UGGT2: variants seen among roughly 807,000 people sequenced by gnomAD.
The protein encoded by UGGT2 is UDP-glucose:glycoprotein glucosyltransferase 2.
UGGT2 carries 180 observed loss-of-function variants against 192.1 expected under a neutral mutation model. That is an observed-to-expected ratio of 0.94 (90% CI 0.83 to 1.06). UGGT2 has a LOEUF of 1.06. UGGT2 is among the 50% of genes least tolerant of loss of function. UGGT2 has a pLI of 0.00. For missense variants in UGGT2, 1,849 were observed against 1,795.7 expected, an observed-to-expected ratio of 1.03 and a Z score of -0.54; for synonymous variants, 580 against 591.0, an observed-to-expected ratio of 0.98 and a Z score of 0.27.
At chr13:96,049,699 G>A (rs755657204) in intron 1 of UGGT2, among the ~76,000 whole-genome samples, 19 of 151,772 alleles carry the variant, frequency 1.3e-4, no homozygotes, top group Non-Finnish European at 2.7e-4. Flanking sequence ...ACAAACAGAG[G>A]GCCAAATCAT....
At chr13:95,946,414 G>C (rs1206602695) in intron 15 of UGGT2, among the ~76,000 whole-genome samples, 1 of 152,232 alleles carries the variant, frequency 6.6e-6, no homozygotes, top group Non-Finnish European at 1.5e-5. Flanking sequence ...CATTGCCTGG[G>C]CTGGAGTGCA....
chr13:95,811,604 A>T (rs958124146), intron 38 of UGGT2, among the ~76,000 whole-genome samples: 2 of 152,192 alleles, frequency 1.3e-5, no homozygotes, highest in African/African-American at 4.8e-5. Flanking sequence ...GAATTAGTGA[A>T]TTGTAAAGTA....
intron 12 of UGGT2, among the ~76,000 whole-genome samples, chr13:95,958,369 T>C (rs2050277397): frequency 6.6e-6 from 1 of 152,068 alleles, no homozygotes; most frequent in Non-Finnish European, 1.5e-5. Flanking sequence ...GCCTGGATGG[T>C]CTCCATCTCT....
chr13:95,928,923 G>A (rs761886774), intron 17 of UGGT2, among the ~76,000 whole-genome samples: 9 of 152,290 alleles, frequency 5.9e-5, no homozygotes, highest in Admixed American at 2.0e-4. Context: ...CTAAGTGAGC[G>A]AGACTCCATC....
At position 95,863,673 on chromosome 13, in the gene UGGT2, G is replaced by C; in HGVS notation, c.3600C>G (p.Thr1200=). 10 of 1,612,302 alleles carry C rather than the reference G, an allele frequency of 6.2e-6. No homozygotes were observed. The highest frequency in any genetic ancestry group is 7.6e-6 in the Non-Finnish European group (9 of 1,179,004). The part of the protein sequence containing the change: ...ETDKIKEDIL[T]DEDEKTKGLW... The stretch of plus-strand genomic sequence containing the variant: ...GTCCTTTTGTTTTTTCATCTTCATC[G>C]GTAAGGATATCTTCCTTAATTTTGT... Residue 1200 remains threonine, a synonymous_variant, in exon 31 of 39, where the codon ACC becomes ACG. Transcript: ENST00000376747.
In UGGT2 at chr13:95,867,513, G is replaced by GT. The variant is rs200705678; in HGVS notation, c.3474-91dup. ...AGAATAAACTCATTTTGCAATAAACGTAAGTCCAATAACACTAGTGCATAT... is the reference window on the plus strand; with the variant it reads ...AGAATAAACTCATTTTGCAATAAACGTTAAGTCCAATAACACTAGTGCATAT... On this transcript the variant is annotated intron_variant, in intron 29 of 38. Transcript: ENST00000376747. 1,603 of 1,059,876 alleles carry GT rather than the reference G, an allele frequency of 1.5e-3. 24 individuals carry two copies. The African/African-American group carries it at 0.022, about 15-fold the overall frequency. 65.7% of individuals were successfully genotyped at this position (1,059,876 alleles called of 1,614,324 possible).
chr13:95,860,871 G>A lies in UGGT2; in HGVS notation c.3657C>T (p.Ser1219=). ...TTTCCTTTTTGTTTTCTTTATGCAA[G>A]CTTACTGTGAAACTTGGAATAAAAA... ...LWDSIKSFTV[S]LHKENKKEKD... is the part of the protein sequence containing the mutation. Residue 1219 remains serine (S), a synonymous_variant, in exon 32 of 39, where the codon AGC becomes AGT. Coordinates refer to ENST00000376747, the MANE Select transcript of UGGT2 (RefSeq NM_020121.4). 6.4e-7 allele frequency: 1 copy of A among 1,557,962 alleles called. No homozygotes were observed. The highest frequency in any genetic ancestry group is 1.9e-5 in the Admixed American group (1 of 53,284).
chr13:95,983,580 G>T (rs1236360025), intron 10 of UGGT2: 2 of 615,102 alleles, frequency 3.3e-6, no homozygotes, highest in Admixed American at 2.0e-5. Flanking sequence ...TACCTCGGAA[G>T]AAATTCTGGA....
chr13:95,945,339 A>T (rs1475477208), intron 15 of UGGT2, among the ~76,000 whole-genome samples: 1 of 152,050 alleles, frequency 6.6e-6, no homozygotes, highest in Non-Finnish European at 1.5e-5. Context: ...ATTTTCCTAA[A>T]AACTATGCCT....
chr13:95,801,840 T>A (rs757216274), intron 38 of UGGT2, 28 bp from the exon 39 acceptor site: 2 of 1,613,174 alleles, frequency 1.2e-6, no homozygotes, highest in Admixed American at 3.3e-5. Flanking sequence ...TTATTTAGCT[T>A]CTGGCATCTT....
rs184992155 is a variant in UGGT2, at chr13:95,860,227, T to A, written c.3741-552A>T. Among the ~76,000 whole-genome samples the A allele has an allele frequency of 2.6e-5, 4 of 151,620 alleles. No homozygotes were observed. In the East Asian group the frequency reaches 7.7e-4, roughly 29 times the overall value. On this transcript the variant is annotated intron_variant, in intron 32 of 38. Coordinates refer to ENST00000376747, the MANE Select transcript of UGGT2 (RefSeq NM_020121.4). ...AAATAGCCTTTTGTACTTTGCAATA[T>A]GCATTTCTCCCCTCATTCCCTTCCT... is the stretch of plus-strand genomic sequence containing the variant.
chr13:95,845,384 G>T (rs1888303628), intron 36 of UGGT2, among the ~76,000 whole-genome samples: 1 of 40,814 alleles, frequency 2.5e-5, no homozygotes, highest in Admixed American at 2.6e-4. Context: ...TGACTGGTAT[G>T]CTGCCTTCAA....
chr13:96,014,031 T>C (rs1303279653), intron 4 of UGGT2, among the ~76,000 whole-genome samples: 3 of 152,148 alleles, frequency 2.0e-5, no homozygotes, highest in Admixed American at 2.0e-4. Flanking sequence ...TATTAGTAAA[T>C]TCTATTTCAC....
intron 38 of UGGT2, chr13:95,832,585 G>T: frequency 5.9e-6 from 2 of 337,854 alleles, no homozygotes; most frequent in South Asian, 2.5e-5. Context: ...TAATTTTTAG[G>T]ACTTGCTCAA....
intron 7 of UGGT2, among the ~76,000 whole-genome samples, chr13:95,994,069 T>C (rs955912770): frequency 3.9e-5 from 6 of 152,094 alleles, no homozygotes; most frequent in African/African-American, 9.7e-5. Flanking sequence ...TTCTTTTCTT[T>C]GGGGCTATAC....
chr13:95,981,976 A>C (rs2051140189), intron 10 of UGGT2, among the ~76,000 whole-genome samples: 1 of 152,210 alleles, frequency 6.6e-6, no homozygotes, highest in South Asian at 2.1e-4. Flanking sequence ...GTTCTCTGGA[A>C]GTAGTAGGTG....
chr13:95,995,757 C>T (rs949348064), intron 7 of UGGT2, among the ~76,000 whole-genome samples: 9 of 152,146 alleles, frequency 5.9e-5, no homozygotes, highest in African/African-American at 2.2e-4. Context: ...GTTGTGTATG[C>T]ATTTATTTGA....
At chr13:95,869,117 T>C (rs1444196446) in intron 29 of UGGT2, among the ~76,000 whole-genome samples, 1 of 148,842 alleles carries the variant, frequency 6.7e-6, no homozygotes, top group Non-Finnish European at 1.5e-5. Context: ...TTTCCACCTA[T>C]GAGTGAGAAC....
intron 15 of UGGT2, among the ~76,000 whole-genome samples, chr13:95,946,608 C>T (rs779027954): frequency 6.6e-6 from 1 of 152,098 alleles, no homozygotes; most frequent in East Asian, 1.9e-4. Context: ...TGGTCTCAAG[C>T]GATCCTCCTG....
Sources: gnomAD v4.1 joint callset for allele counts (sites outside exome capture counted in the v4.1 genomes callset) on GRCh38, gnomAD v4.1.1 for gene constraint, MANE v1.5 for transcripts, NCBI Gene and HGNC (gene_info 2026-07-23, HGNC 2026-07-21) for gene names.